DYSF: variants seen among roughly 807,000 people sequenced by gnomAD.
The protein encoded by DYSF is dysferlin, also known as dystrophy-associated fer-1-like 1.
Under a neutral mutation model 274.9 loss-of-function variants are expected in DYSF, and 212 were observed. The ratio of observed to expected loss-of-function variants is 0.77; its 90% confidence interval spans 0.69 to 0.86. DYSF has a LOEUF of 0.86. Among genes scored for constraint, DYSF ranks in the 40% least tolerant of loss-of-function variants. The pLI is 0.00. For missense variants in DYSF, 2,666 were observed against 2,783.2 expected (o/e 0.96, Z 0.95); for synonymous variants, 1,091 against 1,078.7 (o/e 1.01, Z -0.22).
At chr2:71,548,574 CT>C (rs34162818) in intron 17 of DYSF, among the ~76,000 whole-genome samples, 65,605 of 152,080 alleles carry the variant, frequency 0.43, 17,260 homozygotes, top group Non-Finnish European at 0.59. Context: ...CATCGCATAC[CT>C]GCCTAGCAGT....
In DYSF at chr2:71,598,534, G is replaced by A. The variant is rs746942768; in HGVS notation, c.3575-30G>A. The A allele has an allele frequency of 2.5e-6, 4 of 1,613,730 alleles. No homozygotes were observed. The Admixed American group carries it at 6.7e-5, about 27-fold the overall frequency. On this transcript the variant is annotated intron_variant, in intron 32 of 55. Transcript: ENST00000410020. Reference sequence around the variant, plus strand: ...TCTCTCAGGGTCCCTGCTGTGTCCTGTCTCCCCTCCCCCTCTCCGGCCCAT... The same window carrying A: ...TCTCTCAGGGTCCCTGCTGTGTCCTATCTCCCCTCCCCCTCTCCGGCCCAT...
chr2:71,668,265 T>C (rs2095053736), intron 48 of DYSF, among the ~76,000 whole-genome samples: 1 of 152,202 alleles, frequency 6.6e-6, no homozygotes, highest in Non-Finnish European at 1.5e-5. Context: ...TTCAGCTCTT[T>C]CATCTTCTAG....
intron 29 of DYSF, among the ~76,000 whole-genome samples, chr2:71,571,391 C>T (rs2092432229): frequency 6.9e-6 from 1 of 144,054 alleles, no homozygotes; most frequent in Non-Finnish European, 1.5e-5. Flanking sequence ...ACAGTCAGCA[C>T]ACACAGATCA....
intron 41 of DYSF, among the ~76,000 whole-genome samples, chr2:71,631,859 G>C (rs374693635): frequency 1.3e-4 from 20 of 152,070 alleles, no homozygotes; most frequent in African/African-American, 4.1e-4. Flanking sequence ...CACACTGCAG[G>C]GGGGACAGCC....
intron 3 of DYSF, among the ~76,000 whole-genome samples, chr2:71,496,216 G>A (rs2084374224): frequency 6.6e-6 from 1 of 152,132 alleles, no homozygotes; most frequent in Non-Finnish European, 1.5e-5. Context: ...CTCAAGGCTG[G>A]GCGTGGTGGC....
At position 71,634,667 on chromosome 2, in the gene DYSF, G is replaced by A. The variant is rs530681152; in HGVS notation, c.4528-9298G>A. On this transcript the variant is annotated intron_variant, in intron 41 of 55. Transcript: ENST00000410020. ...TTTTTCCTGATGGCAGAAAAACCCC[G>A]GTAATCATCAACATTTTAGGTTTAA... 4.4e-4 allele frequency among the ~76,000 whole-genome samples: 67 copies of A among 152,224 alleles called. 1 individual carries two copies. The highest frequency in any genetic ancestry group is 3.4e-3 in the Middle Eastern group (1 of 294).
At chr2:71,633,661 A>G (rs1300301804) in intron 41 of DYSF, among the ~76,000 whole-genome samples, 1 of 152,208 alleles carries the variant, frequency 6.6e-6, no homozygotes, top group Admixed American at 6.5e-5. Flanking sequence ...TGACATAGGC[A>G]TGAAGGGCTA....
intron 42 of DYSF, among the ~76,000 whole-genome samples, chr2:71,652,958 G>T (rs1380192957): frequency 2.0e-5 from 3 of 152,186 alleles, no homozygotes; most frequent in African/African-American, 7.2e-5. Context: ...GCCTCACGCT[G>T]GGTACCAAAT....
At chr2:71,515,294 A>T (rs1017105080) in intron 7 of DYSF, among the ~76,000 whole-genome samples, 8 of 152,180 alleles carry the variant, frequency 5.3e-5, no homozygotes, top group Admixed American at 5.2e-4. Context: ...TAAAAATGCC[A>T]GTATCAATGG....
intron 4 of DYSF, among the ~76,000 whole-genome samples, chr2:71,509,933 G>T (rs769910871): frequency 6.6e-6 from 1 of 152,068 alleles, no homozygotes; most frequent in Non-Finnish European, 1.5e-5. Context: ...ATGCCACCAC[G>T]CCTGGCTAAT....
At chr2:71,646,860 T>G (rs184307871) in intron 42 of DYSF, among the ~76,000 whole-genome samples, 127 of 152,204 alleles carry the variant, frequency 8.3e-4, no homozygotes, top group Non-Finnish European at 1.2e-3. Flanking sequence ...CAACTTAGAA[T>G]GGCTAAAAAA....
At chr2:71,552,854 T>G (rs1237430928) in intron 19 of DYSF, among the ~76,000 whole-genome samples, 157 bp from the exon 20 acceptor site, 1 of 152,218 alleles carries the variant, frequency 6.6e-6, no homozygotes, top group African/African-American at 2.4e-5. Context: ...GAAATCTGGA[T>G]GCTGTTTCTT....
intron 38 of DYSF, among the ~76,000 whole-genome samples, chr2:71,611,924 C>A (rs372535901): frequency 2.0e-5 from 3 of 152,090 alleles, no homozygotes; most frequent in Non-Finnish European, 2.9e-5. Context: ...TCCCCTGGAG[C>A]GCCCTTGGGG....
Position 71,678,153 on chromosome 2 carries a change from G to C in DYSF, c.5885-904G>C, listed in dbSNP as rs557556366. Among the ~76,000 whole-genome samples, 181 of 152,218 alleles carry C rather than the reference G, an allele frequency of 1.2e-3. 2 individuals are homozygous for C. Among genetic ancestry groups the C allele is most frequent in the African/African-American group, 4.2e-3 (175 of 41,544 alleles). ...ATACTTTGTAAGCATAGCCTGAAGG[G>C]AATTTTATAGAATATTTAAGATAAT... On this transcript the variant is annotated intron_variant, in intron 52 of 55. Transcript: ENST00000410020.
Position 71,543,731 on chromosome 2 carries a change from G to A in DYSF, c.1576+4492G>A, listed in dbSNP as rs994822557. Among the ~76,000 whole-genome samples, 6 of 152,292 alleles carry A rather than the reference G, an allele frequency of 3.9e-5. No homozygotes were observed. The South Asian group carries it at 6.2e-4, about 16-fold the overall frequency. The stretch of plus-strand genomic sequence containing the variant: ...ACGAAAACCAGTCAGGCGTGGCGGC[G>A]CGCGCCTGCAATCGCAGGCACTCGG... On this transcript the variant is annotated intron_variant, in intron 17 of 55. Transcript: ENST00000410020.
At chr2:71,589,410 AC>A (rs1213931078) in intron 30 of DYSF, among the ~76,000 whole-genome samples, 182 bp from the exon 31 acceptor site, 1 of 152,114 alleles carries the variant, frequency 6.6e-6, no homozygotes, top group Non-Finnish European at 1.5e-5. Context: ...TGGTGCTTTG[AC>A]ATTGGAGTCT....
At chr2:71,561,253 C>T (rs1314407074) in intron 22 of DYSF, among the ~76,000 whole-genome samples, 1 of 152,166 alleles carries the variant, frequency 6.6e-6, no homozygotes, top group Non-Finnish European at 1.5e-5. Context: ...GCTGGCCTCC[C>T]TGCAGTGCCT....
At chr2:71,678,960 G>C in intron 52 of DYSF, 97 bp from the exon 53 acceptor site, 1 of 1,102,054 alleles carries the variant, frequency 9.1e-7, no homozygotes, top group Admixed American at 1.8e-5. Flanking sequence ...TGGTGACAGA[G>C]GTGACTGAGT....
At chr2:71,556,697 A>G (rs1350051001) in intron 22 of DYSF, among the ~76,000 whole-genome samples, 1 of 152,228 alleles carries the variant, frequency 6.6e-6, no homozygotes, top group Non-Finnish European at 1.5e-5. Context: ...ATTATTGCTC[A>G]GAAGAAGAAA....
Sources: gnomAD v4.1 joint callset for allele counts (sites outside exome capture counted in the v4.1 genomes callset) on GRCh38, gnomAD v4.1.1 for gene constraint, MANE v1.5 for transcripts, NCBI Gene and HGNC (gene_info 2026-07-23, HGNC 2026-07-21) for gene names.